NTM: variants seen among roughly 807,000 people sequenced by gnomAD.
NTM encodes IgLON family member 2.
A neutral mutation model predicts 42.1 loss-of-function variants in NTM; 13 were observed. That is an observed-to-expected ratio of 0.31 (90% confidence interval 0.20 to 0.49). NTM has a LOEUF of 0.49. Among genes scored for constraint, NTM ranks in the 20% least tolerant of loss-of-function variants. NTM has a pLI of 0.99. For missense variants in NTM, 373 were observed against 452.8 expected (o/e 0.82, Z 1.60); for synonymous variants, 187 against 179.2 (o/e 1.04, Z -0.35).
chr11:131,810,426 A>G lies in NTM; in HGVS notation c.83-101138A>G, dbSNP rs956660405. On this transcript the variant is annotated intron_variant, in intron 1 of 8. Coordinates refer to ENST00000683400, the MANE Select transcript of NTM (RefSeq NM_001352005.2). ...TAGCCCTCTGCTCTGCTCCTTCCAG[A>G]TGGGTCTGCACCCCCCAATCTGGAC... 2.6e-5 allele frequency among the ~76,000 whole-genome samples: 4 copies of G among 152,164 alleles called. 1 individual carries two copies. The highest frequency in any genetic ancestry group is 4.4e-5 in the Non-Finnish European group (3 of 68,028).
chr11:132,324,510 A>G (rs1163204971), intron 7 of NTM, among the ~76,000 whole-genome samples: 1 of 151,786 alleles, frequency 6.6e-6, no homozygotes, highest in East Asian at 1.9e-4. Context: ...CCACTGCTCA[A>G]TGAAATCAAA....
chr11:131,622,372 G>A (rs779371192), intron 1 of NTM, among the ~76,000 whole-genome samples: 6 of 152,116 alleles, frequency 3.9e-5, no homozygotes, highest in Admixed American at 6.5e-5. Flanking sequence ...CTCGGGCCCC[G>A]GGCCATGTCC....
chr11:132,235,194 A>G (rs2088540174), intron 4 of NTM, among the ~76,000 whole-genome samples: 1 of 152,208 alleles, frequency 6.6e-6, no homozygotes, highest in Non-Finnish European at 1.5e-5. Flanking sequence ...CTCTGCTTCC[A>G]TCTTCATTAA....
At chr11:131,683,614 C>T (rs1376019039) in intron 1 of NTM, among the ~76,000 whole-genome samples, 1 of 152,216 alleles carries the variant, frequency 6.6e-6, no homozygotes, top group Non-Finnish European at 1.5e-5. Context: ...AATGTATTCA[C>T]ACTAAACCTG....
intron 7 of NTM, among the ~76,000 whole-genome samples, chr11:132,317,191 C>T (rs2095451038): frequency 6.6e-6 from 1 of 152,178 alleles, no homozygotes; most frequent in Non-Finnish European, 1.5e-5. Flanking sequence ...GAGAGTTCTG[C>T]TCCCGCACTC....
At chr11:131,673,053 G>C (rs1211926521) in intron 1 of NTM, among the ~76,000 whole-genome samples, 1 of 151,604 alleles carries the variant, frequency 6.6e-6, no homozygotes, top group Admixed American at 6.6e-5. Context: ...CGGGGTGGGG[G>C]TGGGGAGTGA....
chr11:131,746,121 C>G (rs1379683071), intron 1 of NTM, among the ~76,000 whole-genome samples: 1 of 152,060 alleles, frequency 6.6e-6, no homozygotes, highest in African/African-American at 2.4e-5. Context: ...GAGTCGTCAT[C>G]CTCTCCTACT....
intron 1 of NTM, among the ~76,000 whole-genome samples, chr11:131,709,983 G>A (rs1565454295): frequency 6.6e-6 from 1 of 152,206 alleles, no homozygotes; most frequent in African/African-American, 2.4e-5. Flanking sequence ...ATGCTTAGCA[G>A]TGCAGAATGC....
intron 1 of NTM, among the ~76,000 whole-genome samples, chr11:131,829,086 T>G (rs190975909): frequency 1.2e-3 from 181 of 152,134 alleles, no homozygotes; most frequent in Non-Finnish European, 2.2e-3. Flanking sequence ...ATCACCCCTT[T>G]GCCTAAGCTT....
intron 1 of NTM, among the ~76,000 whole-genome samples, chr11:131,892,691 G>A (rs2051558151): frequency 6.6e-6 from 1 of 152,218 alleles, no homozygotes; most frequent in South Asian, 2.1e-4. Context: ...AAGCTCATCA[G>A]GTTCTCCTGT....
intron 1 of NTM, among the ~76,000 whole-genome samples, chr11:131,459,667 C>A (rs1951200997): frequency 1.3e-5 from 2 of 151,458 alleles, no homozygotes; most frequent in Middle Eastern, 3.2e-3. Flanking sequence ...TGTTTTAAAT[C>A]TAAGCACGGT....
At chr11:132,230,400 A>C (rs947843430) in intron 4 of NTM, among the ~76,000 whole-genome samples, 1 of 152,204 alleles carries the variant, frequency 6.6e-6, no homozygotes, top group East Asian at 1.9e-4. Flanking sequence ...AATGTTAGTT[A>C]ACTTGCTGGA....
At chr11:131,815,789 A>G (rs1487444570) in intron 1 of NTM, among the ~76,000 whole-genome samples, 1 of 152,182 alleles carries the variant, frequency 6.6e-6, no homozygotes, top group Non-Finnish European at 1.5e-5. Context: ...GAAATACTTA[A>G]GAAGCTTTGC....
At chr11:131,759,498 A>G (rs753035435) in intron 1 of NTM, among the ~76,000 whole-genome samples, 2 of 151,652 alleles carry the variant, frequency 1.3e-5, no homozygotes, top group Non-Finnish European at 2.9e-5. Context: ...CTCTTTCCTT[A>G]CCTCTTCTCT....
intron 5 of NTM, among the ~76,000 whole-genome samples, chr11:132,308,498 T>A (rs1264389171): frequency 6.6e-6 from 1 of 152,122 alleles, no homozygotes; most frequent in Non-Finnish European, 1.5e-5. Flanking sequence ...TTCACTCTTT[T>A]CCCTCTGGGT....
At chr11:131,850,367 C>G (rs1321545158) in intron 1 of NTM, among the ~76,000 whole-genome samples, 1 of 152,080 alleles carries the variant, frequency 6.6e-6, no homozygotes, top group Non-Finnish European at 1.5e-5. Context: ...TTTGCCTTCC[C>G]CACTTCACTT....
intron 1 of NTM, chr11:131,767,149 T>C (rs1193303022): frequency 1.0e-6 from 1 of 980,316 alleles, no homozygotes; most frequent in African/African-American, 1.7e-5. Flanking sequence ...AGGCTCCAGA[T>C]TCCCGATTTA....
intron 1 of NTM, among the ~76,000 whole-genome samples, chr11:131,577,656 A>G (rs2058051783): frequency 6.6e-6 from 1 of 152,188 alleles, no homozygotes; most frequent in African/African-American, 2.4e-5. Flanking sequence ...TTTCTCCTTC[A>G]TATCCCGCGG....
chr11:132,155,529 G>A (rs1214321024), intron 3 of NTM, among the ~76,000 whole-genome samples: 2 of 152,252 alleles, frequency 1.3e-5, no homozygotes, highest in Admixed American at 6.5e-5. Context: ...AGCCTCAGCC[G>A]CCTCCGCGGA....
Sources: gnomAD v4.1 joint callset for allele counts (sites outside exome capture counted in the v4.1 genomes callset) on GRCh38, gnomAD v4.1.1 for gene constraint, MANE v1.5 for transcripts, NCBI Gene and HGNC (gene_info 2026-07-23, HGNC 2026-07-21) for gene names.